The following FAM76A variants were observed in gnomAD, a reference collection of about 807,000 sequenced individuals.
FAM76A encodes protein FAM76A.
FAM76A carries 32 observed loss-of-function variants against 46.2 expected under a neutral mutation model. The ratio of observed to expected loss-of-function variants is 0.69; its 90% CI spans 0.52 to 0.93. The LOEUF (loss-of-function observed/expected upper bound fraction) is 0.93, where lower values mean the gene tolerates loss of function less well. Ranked by LOEUF, FAM76A falls within the 40% of genes least tolerant of loss-of-function variation. The probability of loss-of-function intolerance (pLI) is 0.00; values close to 1 mark genes in which losing one functional copy is unlikely to be tolerated. For missense variants in FAM76A, 274 were observed against 361.5 expected (o/e 0.76, Z 1.96); for synonymous variants, 137 against 127.0 (o/e 1.08, Z -0.53).
Position 27,751,384 on chromosome 1 carries a change from G to T in FAM76A, c.599+2230G>T, listed in dbSNP as rs1175000471. Among the ~76,000 whole-genome samples, 2 of 148,918 alleles carry T rather than the reference G, an allele frequency of 1.3e-5. 1 individual carries two copies. Among genetic ancestry groups the T allele is most frequent in the South Asian group, 4.2e-4 (2 of 4,746 alleles). ...TTCCACTTTGCTGTCCTCTTTACTT[G>T]TTGTGGGTTTTTTTTCCCTGCATTT... On this transcript the variant is annotated intron_variant, in intron 6 of 8. Coordinates refer to ENST00000373954, the MANE Select transcript of FAM76A (RefSeq NM_152660.3).
chr1:27,749,423 A>G (rs2088298068), intron 6 of FAM76A, among the ~76,000 whole-genome samples: 1 of 152,198 alleles, frequency 6.6e-6, no homozygotes, highest in Non-Finnish European at 1.5e-5. Context: ...GCTGGAGTGC[A>G]GTGGCGCGAT....
At chr1:27,755,454 T>TG in intron 7 of FAM76A, 124 bp downstream of exon 7, 1 of 1,262,450 alleles carries the variant, frequency 7.9e-7, no homozygotes, top group Non-Finnish European at 1.1e-6. Flanking sequence ...TGGGATATCC[T>TG]GGGGAGAGGC....
chr1:27,753,490 A>G (rs1467873250), intron 6 of FAM76A, among the ~76,000 whole-genome samples: 3 of 152,228 alleles, frequency 2.0e-5, no homozygotes. Context: ...AGGTCCTTTC[A>G]GTACTTTCTC....
At position 27,755,273 on chromosome 1, in the gene FAM76A, T is replaced by A. The variant is rs755121261; in HGVS notation, c.678T>A (p.Ala226=). 1 of 1,614,210 alleles carries A rather than the reference T, an allele frequency of 6.2e-7. No individual in the cohort carries two copies. The highest frequency in any genetic ancestry group is 1.7e-5 in the Admixed American group (1 of 60,022). The stretch of plus-strand genomic sequence containing the variant: ...TTGCCCAACTGAAGGAAGAAGTGGC[T>A]ACCCTGAAGAAGATGTTGCATCAAA... ...VIIAQLKEEV[A]TLKKMLHQKD... is the part of the protein sequence containing the mutation. Residue 226 remains alanine, a synonymous_variant, in exon 7 of 9, where the codon GCT becomes GCA. Transcript: ENST00000373954.
chr1:27,727,386 T>G, intron 1 of FAM76A, 86 bp from the exon 2 acceptor site: 1 of 1,080,982 alleles, frequency 9.3e-7, no homozygotes, highest in South Asian at 1.3e-5. Context: ...GTAGCTATGC[T>G]AGAAATAGTA....
At chr1:27,759,954 G>A (rs1161838898) in intron 8 of FAM76A, 1 of 463,026 alleles carries the variant, frequency 2.2e-6, no homozygotes, top group African/African-American at 2.0e-5. Flanking sequence ...TAATTTTTTT[G>A]TAGAGATGGG....
intron 4 of FAM76A, chr1:27,739,950 T>TATCATTAAAAA: frequency 3.9e-6 from 1 of 258,548 alleles, no homozygotes. Context: ...TGGGAGCCAG[T>TATCATTAAAAA]GCTATGGCTT....
At chr1:27,759,288 A>T (rs1362900568) in intron 7 of FAM76A, among the ~76,000 whole-genome samples, 1 of 152,230 alleles carries the variant, frequency 6.6e-6, no homozygotes, top group African/African-American at 2.4e-5. Context: ...GTAAAAGTTC[A>T]GTAATTGGTA....
In FAM76A at chr1:27,762,995, CTT is replaced by C. The variant is rs752469549; in HGVS notation, c.*2417_*2418del. 3 of 152,080 alleles carry C rather than the reference CTT, an allele frequency of 2.0e-5. No individual in the cohort carries two copies. Among genetic ancestry groups the C allele is most frequent in the African/African-American group, 4.8e-5 (2 of 41,400 alleles). The allele number at this position is 152,080 out of a possible 1,614,324, so 9.4% of individuals were successfully genotyped here. On this transcript the variant is annotated 3_prime_UTR_variant, in exon 9 of 9. Transcript: ENST00000373954. ...TTTTACCATGAAATTGAGTAGCTAACTTTTGGTAACACCTTTTGTTTCTTTGT... is the reference window on the plus strand; with the variant it reads ...TTTTACCATGAAATTGAGTAGCTAACTTGGTAACACCTTTTGTTTCTTTGT...
intron 4 of FAM76A, chr1:27,740,396 A>T: frequency 7.3e-7 from 1 of 1,374,362 alleles, no homozygotes; most frequent in Non-Finnish European, 1.0e-6. Context: ...GAAGGCAGAA[A>T]TTCATGGATG....
chr1:27,735,798 T>C (rs1215699050), intron 4 of FAM76A, among the ~76,000 whole-genome samples: 2 of 152,132 alleles, frequency 1.3e-5, no homozygotes, highest in African/African-American at 2.4e-5. Context: ...CATGGGGAAA[T>C]GTAATTCAGA....
intron 1 of FAM76A, 76 bp from the exon 2 acceptor site, chr1:27,727,396 A>T: frequency 8.5e-7 from 1 of 1,173,114 alleles, no homozygotes. Flanking sequence ...TAGAAATAGT[A>T]CCCAGGTCGG....
chr1:27,755,706 T>C (rs550883946), intron 7 of FAM76A, among the ~76,000 whole-genome samples: 1 of 152,290 alleles, frequency 6.6e-6, no homozygotes, highest in East Asian at 1.9e-4. Flanking sequence ...ACTTAGTAGC[T>C]TGGACTACAG....
At chr1:27,755,775 A>T (rs893813191) in intron 7 of FAM76A, among the ~76,000 whole-genome samples, 3 of 152,042 alleles carry the variant, frequency 2.0e-5, no homozygotes, top group Admixed American at 6.6e-5. Context: ...TGGTCTTATT[A>T]TGTTGCCCAG....
In FAM76A at chr1:27,760,870, C is replaced by CTTTTTTTTTTTTTTTTTTTTTT. The variant is rs2088492929; in HGVS notation, c.*295_*296insTTTTTTTTTTTTTTTTTTTTTT. On this transcript the variant is annotated 3_prime_UTR_variant, in exon 9 of 9. Transcript: ENST00000373954. ...TATTTTGGTTCTATTCTTTTTTTTT[C>CTTTTTTTTTTTTTTTTTTTTTT]TTTTTTCTTTTTTTTTTTTTTTTTT... is the stretch of plus-strand genomic sequence containing the variant. The CTTTTTTTTTTTTTTTTTTTTTT allele has an allele frequency of 2.3e-5, 1 of 43,158 alleles. No homozygotes were observed. Among genetic ancestry groups the CTTTTTTTTTTTTTTTTTTTTTT allele is most frequent in the Non-Finnish European group, 4.7e-5 (1 of 21,278 alleles). 2.7% of individuals were successfully genotyped at this position (43,158 alleles called of 1,614,324 possible). A position where few individuals can be genotyped will look rare whatever the true frequency, so the allele number is the denominator to read the frequency against.
intron 6 of FAM76A, among the ~76,000 whole-genome samples, chr1:27,749,593 T>C (rs1424731644): frequency 6.6e-6 from 1 of 152,212 alleles, no homozygotes; most frequent in Non-Finnish European, 1.5e-5. Context: ...TGGCCTCAAG[T>C]GACCTGCCCA....
intron 5 of FAM76A, 76 bp downstream of exon 5, chr1:27,744,887 C>G: frequency 9.5e-6 from 13 of 1,368,944 alleles, no homozygotes; most frequent in Non-Finnish European, 1.3e-5. Context: ...CATCATGGTA[C>G]ATACTACCAT....
intron 4 of FAM76A, among the ~76,000 whole-genome samples, chr1:27,734,806 A>G (rs1471157022): frequency 6.6e-6 from 1 of 152,238 alleles, no homozygotes; most frequent in Non-Finnish European, 1.5e-5. Context: ...CAGTTTTACT[A>G]TCTGGCTCTT....
intron 6 of FAM76A, among the ~76,000 whole-genome samples, chr1:27,754,679 C>G (rs941185599): frequency 1.3e-5 from 2 of 152,050 alleles, no homozygotes; most frequent in Non-Finnish European, 2.9e-5. Context: ...CTGACTGCTC[C>G]TGGGTGGGAA....
Sources: allele counts gnomAD v4.1 joint callset (sites outside exome capture counted in the v4.1 genomes callset), GRCh38; gene constraint gnomAD v4.1.1; transcripts MANE v1.5; gene names NCBI Gene and HGNC (gene_info 2026-07-23, HGNC 2026-07-21).